Variants in LINGO2 observed in about 807,000 individuals in gnomAD.
The protein encoded by LINGO2 is leucine-rich repeat and immunoglobulin-like domain-containing nogo receptor-interacting protein 2.
Under a neutral mutation model 30.6 loss-of-function variants are expected in LINGO2, and 14 were observed. That is an observed-to-expected ratio of 0.46 (90% CI 0.30 to 0.72). LINGO2 has a LOEUF of 0.72. Ranked by LOEUF, LINGO2 falls within the 30% of genes least tolerant of loss-of-function variation. LINGO2 has a pLI of 0.07. For synonymous variants in LINGO2, 317 were observed against 288.5 expected (o/e 1.10, Z -1.00); for missense variants, 729 against 751.7 (o/e 0.97, Z 0.35).
the LINGO2 span, among the ~76,000 whole-genome samples, chr9:28,816,800 T>C: frequency 6.6e-6 from 1 of 152,328 alleles, no homozygotes; most frequent in South Asian, 2.1e-4. Context: ...TACCCCTTGA[T>C]CTGATTTTAA....
chr9:28,560,408 C>G (rs1041534408), intron 1 of LINGO2, among the ~76,000 whole-genome samples: 1 of 152,092 alleles, frequency 6.6e-6, no homozygotes, highest in African/African-American at 2.4e-5. Context: ...AGCCTTCAGA[C>G]TTGAACTTTA....
the LINGO2 span, among the ~76,000 whole-genome samples, chr9:29,003,052 T>C: frequency 6.6e-6 from 1 of 151,734 alleles, no homozygotes; most frequent in African/African-American, 2.4e-5. Context: ...TACGTGAAAA[T>C]ACGGATAGAA....
Position 28,570,471 on chromosome 9 carries a change from C to T in LINGO2, c.-364-94446G>A, listed in dbSNP as rs560714284. ...TTTTCTTCTCCTTTATCTGTCTATG[C>T]GATAAAAAAATTTTACTTGGGGGAA... On this transcript the variant is annotated intron_variant, in intron 1 of 5. Transcript: ENST00000379992. 3.3e-5 allele frequency among the ~76,000 whole-genome samples: 5 copies of T among 151,704 alleles called. No individual in the cohort carries two copies. In the South Asian group the frequency reaches 6.2e-4, roughly 19 times the overall value.
At chr9:29,008,093 C>T in the LINGO2 span, among the ~76,000 whole-genome samples, 1 of 152,076 alleles carries the variant, frequency 6.6e-6, no homozygotes, top group Non-Finnish European at 1.5e-5. Context: ...AACCCCACGA[C>T]AGGCCCTGGT....
the LINGO2 span, among the ~76,000 whole-genome samples, chr9:28,857,708 C>T: frequency 2.6e-5 from 4 of 151,756 alleles, no homozygotes; most frequent in Non-Finnish European, 4.4e-5. Context: ...TAGTCCAAAC[C>T]GAGATATGCT....
chr9:29,160,066 T>A, the LINGO2 span, among the ~76,000 whole-genome samples: 5 of 152,304 alleles, frequency 3.3e-5, no homozygotes, highest in Middle Eastern at 0.017. Context: ...TTTTCAATCT[T>A]TATAGTATAT....
At chr9:29,179,771 A>C in the LINGO2 span, among the ~76,000 whole-genome samples, 1 of 152,174 alleles carries the variant, frequency 6.6e-6, no homozygotes, top group African/African-American at 2.4e-5. Context: ...TAAAAAATGT[A>C]TATTTTTGCA....
chr9:28,927,087 G>T, the LINGO2 span, among the ~76,000 whole-genome samples: 3 of 152,064 alleles, frequency 2.0e-5, no homozygotes, highest in Non-Finnish European at 4.4e-5. Context: ...TTTCAAACTG[G>T]ATTGTACATC....
At chr9:28,325,752 C>T (rs1479022428) in intron 3 of LINGO2, among the ~76,000 whole-genome samples, 1 of 152,146 alleles carries the variant, frequency 6.6e-6, no homozygotes, top group East Asian at 1.9e-4. Flanking sequence ...ATAAATTACC[C>T]AGTCTCGGGT....
chr9:28,163,103 A>G (rs928753263), intron 4 of LINGO2, among the ~76,000 whole-genome samples: 3 of 152,170 alleles, frequency 2.0e-5, no homozygotes, highest in African/African-American at 7.2e-5. Flanking sequence ...TTATATTCAT[A>G]TTTGTGTTTT....
chr9:28,273,728 T>C (rs894096405), intron 4 of LINGO2, among the ~76,000 whole-genome samples: 1 of 152,184 alleles, frequency 6.6e-6, no homozygotes, highest in Admixed American at 6.5e-5. Flanking sequence ...AGAAAAGAAA[T>C]ACAAACAGTA....
At chr9:28,621,949 G>T (rs759717093) in intron 1 of LINGO2, among the ~76,000 whole-genome samples, 8 of 152,010 alleles carry the variant, frequency 5.3e-5, no homozygotes, top group Non-Finnish European at 1.2e-4. Context: ...CTGAAAAAAT[G>T]TGCCAAGACT....
At chr9:28,660,872 T>G (rs1281320584) in intron 1 of LINGO2, among the ~76,000 whole-genome samples, 1 of 152,176 alleles carries the variant, frequency 6.6e-6, no homozygotes, top group Non-Finnish European at 1.5e-5. Flanking sequence ...TGATGCTACC[T>G]TTTCTGTCAT....
At chr9:28,161,538 T>A (rs1049190772) in intron 4 of LINGO2, among the ~76,000 whole-genome samples, 1 of 152,164 alleles carries the variant, frequency 6.6e-6, no homozygotes, top group African/African-American at 2.4e-5. Context: ...GCCTCATTTT[T>A]ATTGATGGAA....
At chr9:28,590,651 G>A (rs531728228) in intron 1 of LINGO2, among the ~76,000 whole-genome samples, 1 of 152,134 alleles carries the variant, frequency 6.6e-6, no homozygotes, top group East Asian at 1.9e-4. Context: ...TAAAAAGTCA[G>A]GAAACGACAG....
intron 3 of LINGO2, among the ~76,000 whole-genome samples, chr9:28,337,562 A>G (rs59199220): frequency 0.038 from 5,843 of 152,264 alleles, 266 homozygotes; most frequent in African/African-American, 0.11. Flanking sequence ...CTCTCCCATA[A>G]CAGGCCTGAA....
At chr9:28,899,533 G>A in the LINGO2 span, among the ~76,000 whole-genome samples, 1 of 152,302 alleles carries the variant, frequency 6.6e-6, no homozygotes, top group Non-Finnish European at 1.5e-5. Flanking sequence ...CAAGCAACTT[G>A]CTAGCCTTTG....
intron 1 of LINGO2, among the ~76,000 whole-genome samples, chr9:28,549,629 T>C (rs1325200591): frequency 1.3e-5 from 2 of 152,014 alleles, no homozygotes; most frequent in South Asian, 4.1e-4. Context: ...GGTATTATCA[T>C]GTGTAATATT....
chr9:28,438,935 A>T (rs1824073699), intron 2 of LINGO2, among the ~76,000 whole-genome samples: 1 of 134,622 alleles, frequency 7.4e-6, no homozygotes, highest in Non-Finnish European at 1.6e-5. Flanking sequence ...TCTATACATT[A>T]TATATAATGA....
Sources: allele counts gnomAD v4.1 joint callset (sites outside exome capture counted in the v4.1 genomes callset), GRCh38; gene constraint gnomAD v4.1.1; transcripts MANE v1.5; gene names NCBI Gene and HGNC (gene_info 2026-07-23, HGNC 2026-07-21).